The following KIAA0825 variants were observed in gnomAD, a reference collection of about 807,000 sequenced individuals.
KIAA0825 encodes the protein uncharacterized protein KIAA0825.
KIAA0825 carries 119 observed loss-of-function variants against 147.6 expected under a neutral mutation model. The ratio of observed to expected loss-of-function variants is 0.81; its 90% CI spans 0.69 to 0.94. The LOEUF (loss-of-function observed/expected upper bound fraction) is 0.94, where lower values mean the gene tolerates loss of function less well. KIAA0825 is among the 40% of genes least tolerant of loss of function. KIAA0825 has a pLI of 0.00. For missense variants in KIAA0825, 1,381 were observed against 1,472.7 expected (o/e 0.94, Z 1.02); for synonymous variants, 470 against 518.1 (o/e 0.91, Z 1.26).
chr5:94,478,585 G>A (rs1397349093), intron 6 of KIAA0825, among the ~76,000 whole-genome samples: 1 of 152,056 alleles, frequency 6.6e-6, no homozygotes, highest in Non-Finnish European at 1.5e-5. Context: ...ACAACACAGA[G>A]AGGGTTTTAG....
chr5:94,566,235 T>C (rs546402835), intron 2 of KIAA0825, among the ~76,000 whole-genome samples: 1 of 152,136 alleles, frequency 6.6e-6, no homozygotes, highest in Non-Finnish European at 1.5e-5. Context: ...AAGAAATATA[T>C]CTAGGAAGCA....
At chr5:94,330,114 A>C (rs1781118093) in intron 20 of KIAA0825, among the ~76,000 whole-genome samples, 1 of 152,248 alleles carries the variant, frequency 6.6e-6, no homozygotes, top group East Asian at 1.9e-4. Flanking sequence ...TATGTAACAA[A>C]ATTTCTCCTA....
At chr5:94,539,640 G>A (rs534622478) in intron 2 of KIAA0825, among the ~76,000 whole-genome samples, 14 of 152,222 alleles carry the variant, frequency 9.2e-5, no homozygotes, top group South Asian at 4.1e-4. Context: ...TGGGGTACCC[G>A]GGTAAATAAT....
At chr5:94,261,173 C>T (rs1052117262) in intron 20 of KIAA0825, among the ~76,000 whole-genome samples, 2 of 151,236 alleles carry the variant, frequency 1.3e-5, no homozygotes, top group African/African-American at 2.4e-5. Flanking sequence ...CGTGGTGGTG[C>T]GTGCCTATAG....
At chr5:94,441,831 T>C (rs1757122214) in intron 13 of KIAA0825, among the ~76,000 whole-genome samples, 1 of 152,176 alleles carries the variant, frequency 6.6e-6, no homozygotes. Context: ...CCCTATAACC[T>C]TTCATCTTTA....
At chr5:94,227,515 T>C (rs1209424739) in intron 20 of KIAA0825, among the ~76,000 whole-genome samples, 7 of 151,452 alleles carry the variant, frequency 4.6e-5, no homozygotes. Flanking sequence ...ACCTGCACAT[T>C]GTGCACATGT....
chr5:94,601,629 T>C (rs1349031116), intron 1 of KIAA0825, among the ~76,000 whole-genome samples: 4 of 152,102 alleles, frequency 2.6e-5, no homozygotes, highest in Non-Finnish European at 5.9e-5. Flanking sequence ...CTTAAATCAA[T>C]GCAAGAAAGC....
intron 17 of KIAA0825, 30 bp downstream of exon 17, chr5:94,396,071 A>C (rs781579265): frequency 6.4e-6 from 9 of 1,402,966 alleles, no homozygotes; most frequent in Non-Finnish European, 8.4e-6. Flanking sequence ...GCATTTGATG[A>C]AATCCAATAA....
chr5:94,167,985 C>T (rs1583726450), intron 20 of KIAA0825, among the ~76,000 whole-genome samples: 1 of 150,322 alleles, frequency 6.7e-6, no homozygotes, highest in South Asian at 2.1e-4. Flanking sequence ...CAATTTGCTA[C>T]TATGGTACAC....
intron 18 of KIAA0825, among the ~76,000 whole-genome samples, chr5:94,390,904 T>G (rs1749808952): frequency 6.6e-6 from 1 of 152,324 alleles, no homozygotes; most frequent in East Asian, 1.9e-4. Flanking sequence ...ATGATCAAAT[T>G]CAAAACCTGA....
At chr5:94,202,746 G>C (rs1472861851) in intron 20 of KIAA0825, among the ~76,000 whole-genome samples, 2 of 152,144 alleles carry the variant, frequency 1.3e-5, no homozygotes, top group East Asian at 3.9e-4. Context: ...CTGAAGCTCT[G>C]CTGCAAATGG....
At chr5:94,443,222 T>C (rs575268988) in intron 13 of KIAA0825, among the ~76,000 whole-genome samples, 2 of 151,998 alleles carry the variant, frequency 1.3e-5, no homozygotes, top group African/African-American at 2.4e-5. Context: ...GAGTAATAAA[T>C]GCATTGAGGA....
At chr5:94,163,230 T>C (rs1032392409) in intron 20 of KIAA0825, among the ~76,000 whole-genome samples, 9 of 152,206 alleles carry the variant, frequency 5.9e-5, no homozygotes, top group African/African-American at 2.2e-4. Context: ...GTAAAAAGGC[T>C]TTAAACAAAC....
At chr5:94,201,980 G>C (rs906684636) in intron 20 of KIAA0825, among the ~76,000 whole-genome samples, 1 of 152,180 alleles carries the variant, frequency 6.6e-6, no homozygotes, top group Non-Finnish European at 1.5e-5. Flanking sequence ...GTGATCAGAC[G>C]TCACTTGGGG....
chr5:94,196,916 T>C (rs937730506), intron 20 of KIAA0825, among the ~76,000 whole-genome samples: 3 of 152,194 alleles, frequency 2.0e-5, no homozygotes, highest in Admixed American at 6.5e-5. Context: ...GTGAATAGTG[T>C]GGCAATGAAT....
chr5:94,581,874 C>A (rs1782251296), intron 2 of KIAA0825, among the ~76,000 whole-genome samples: 1 of 152,176 alleles, frequency 6.6e-6, no homozygotes, highest in South Asian at 2.1e-4. Flanking sequence ...TCATTATCTG[C>A]AGTGCCTTTT....
At chr5:94,600,022 A>G (rs1786080167) in intron 1 of KIAA0825, among the ~76,000 whole-genome samples, 1 of 152,264 alleles carries the variant, frequency 6.6e-6, no homozygotes, top group Admixed American at 6.5e-5. Context: ...GAATTTGAAT[A>G]TATATTTCTC....
At chr5:94,511,726 G>A (rs766517505) in intron 5 of KIAA0825, among the ~76,000 whole-genome samples, 40 of 152,050 alleles carry the variant, frequency 2.6e-4, no homozygotes, top group South Asian at 1.9e-3. Context: ...AGTGGGTCAC[G>A]CCTGTAATCC....
intron 16 of KIAA0825, among the ~76,000 whole-genome samples, chr5:94,399,800 T>C (rs969824617): frequency 2.0e-5 from 3 of 152,136 alleles, no homozygotes; most frequent in African/African-American, 7.2e-5. Flanking sequence ...TGTAATAATA[T>C]ATTTGTGGTT....
Sources: gnomAD v4.1 joint callset for allele counts (sites outside exome capture counted in the v4.1 genomes callset) on GRCh38, gnomAD v4.1.1 for gene constraint, MANE v1.5 for transcripts, NCBI Gene and HGNC (gene_info 2026-07-23, HGNC 2026-07-21) for gene names.